Variants in ZNF14 observed in about 807,000 individuals in gnomAD.
ZNF14 encodes gonadotropin inducible transcription repressor-4.
A neutral mutation model predicts 11.3 loss-of-function variants in ZNF14; 9 were observed. The ratio of observed to expected loss-of-function variants is 0.80; its 90% confidence interval spans 0.48 to 1.39. ZNF14 has a LOEUF of 1.39. ZNF14 is among the 40% of genes most tolerant of loss of function. The pLI is 0.00. For synonymous variants in ZNF14, 239 were observed against 245.7 expected, an observed-to-expected ratio of 0.97 and a Z score of 0.25; for missense variants, 711 against 763.9, an observed-to-expected ratio of 0.93 and a Z score of 0.82.
intron 1 of ZNF14, among the ~76,000 whole-genome samples, chr19:19,725,913 G>A (rs893196376): frequency 5.2e-5 from 7 of 134,120 alleles, no homozygotes; most frequent in Admixed American, 3.7e-4. Context: ...CTCGTGCCAC[G>A]GTTTTCAGCT....
intron 1 of ZNF14, among the ~76,000 whole-genome samples, chr19:19,729,271 T>C (rs1279457914): frequency 6.6e-6 from 1 of 150,722 alleles, no homozygotes; most frequent in Non-Finnish European, 1.5e-5. Flanking sequence ...CCATTGTGCC[T>C]GGCCCACCCA....
Position 19,712,889 on chromosome 19 carries a change from T to C in ZNF14, c.392A>G (p.Asn131Ser), listed in dbSNP as rs768757014. Residue 131 changes from asparagine to serine, a missense_variant, in exon 4 of 4, where the codon AAT becomes AGT. By Grantham distance (46) the Asn-to-Ser change is conservative. Coordinates refer to ENST00000344099, the MANE Select transcript of ZNF14 (RefSeq NM_021030.3). ...HMRSHTGQKP[N>S]EYQEYEKQPC... The stretch of plus-strand genomic sequence containing the variant: ...TTGCTTTTCATATTCCTGATACTCA[T>C]TTGGTTTCTGTCCAGTGTGAGATCT... 5.0e-6 allele frequency: 8 copies of C among 1,614,052 alleles called. No individual in the cohort carries two copies. The Admixed American group carries it at 5.0e-5, about 10-fold the overall frequency.
intron 3 of ZNF14, among the ~76,000 whole-genome samples, chr19:19,713,450 A>AT (rs753373182): frequency 0.11 from 15,104 of 141,518 alleles, 811 homozygotes; most frequent in Middle Eastern, 0.18. Context: ...TGCCTGGCTA[A>AT]TTTTTTTTTT....
At chr19:19,732,573 T>G (rs988402410) in intron 1 of ZNF14, among the ~76,000 whole-genome samples, 6 of 152,160 alleles carry the variant, frequency 3.9e-5, no homozygotes, top group African/African-American at 1.4e-4. Flanking sequence ...TTCTCACAAG[T>G]GAGGAAACGC....
rs138870060 is a variant in ZNF14 at position 19,711,656 on chromosome 19, C to T, written c.1625G>A (p.Arg542His). 43 of 1,613,622 alleles carry T rather than the reference C, an allele frequency of 2.7e-5. No homozygotes were observed. The East Asian group carries it at 5.4e-4, about 20-fold the overall frequency. Reference protein sequence around the residue: ...ECKQCGKAFLRSSQIRLHERT... With the variant: ...ECKQCGKAFLHSSQIRLHERT... The stretch of plus-strand genomic sequence containing the variant: ...TTCATGCAATCGAATTTGACTGGAA[C>T]GAAGGAAGGCCTTACCACATTGCTT... Residue 542 changes from arginine to histidine, a missense_variant, in exon 4 of 4, where the codon CGT (arginine) becomes CAT (histidine). Coordinates refer to ENST00000344099, the MANE Select transcript of ZNF14 (RefSeq NM_021030.3).
intron 1 of ZNF14, among the ~76,000 whole-genome samples, chr19:19,721,060 T>C (rs2062392079): frequency 6.6e-6 from 1 of 152,206 alleles, no homozygotes; most frequent in Non-Finnish European, 1.5e-5. Flanking sequence ...CGGGTTCAAG[T>C]GATCCTCCTG....
rs61731046 is a variant in ZNF14 at position 19,714,449 on chromosome 19, G to A, written c.42C>T (p.Thr14=). ...AATCCAGCAAAGCCCACTCCTCCAG[G>A]GTGAAGTTCACGGCCACATCCTCAA... The part of the protein sequence containing the change: ...VSFEDVAVNF[T]LEEWALLDSS... The change falls in exon 2 of 4, where the codon ACC becomes ACT. Residue 14 remains threonine (T), a synonymous_variant. Transcript: ENST00000344099. The A allele has an allele frequency of 0.045, 72,497 of 1,613,788 alleles. 1,973 individuals are homozygous for A. Among genetic ancestry groups the A allele is most frequent in the Middle Eastern group, 0.095 (575 of 6,058 alleles).
At position 19,714,342 on chromosome 19, in the gene ZNF14, G is replaced by T. The variant is rs115548742; in HGVS notation, c.130+19C>A. 4 of 1,613,188 alleles carry T rather than the reference G, an allele frequency of 2.5e-6. No homozygotes were observed. The highest frequency in any genetic ancestry group is 3.4e-6 in the Non-Finnish European group (4 of 1,179,888). On this transcript the variant is annotated intron_variant, in intron 2 of 3. Transcript: ENST00000344099. ...TGTGTTCTATATTTAACTGAGGAAA[G>T]AAATGTTGATATCCTTACCTAGACA...
Position 19,712,898 on chromosome 19 carries a change from T to C in ZNF14, c.383A>G (p.Gln128Arg). 6.2e-7 allele frequency: 1 copy of C among 1,614,144 alleles called. No homozygotes were observed. Among genetic ancestry groups the C allele is most frequent in the Non-Finnish European group, 8.5e-7 (1 of 1,179,998 alleles). Residue 128 changes from glutamine (Q) to arginine (R), a missense_variant, in exon 4 of 4, where the codon CAG (glutamine) becomes CGG (arginine). By Grantham distance (43) the Gln-to-Arg change is conservative. Transcript: ENST00000344099. ...ATATTCCTGATACTCATTTGGTTTC[T>C]GTCCAGTGTGAGATCTCATGTGCCT... is the stretch of plus-strand genomic sequence containing the variant. ...LNRHMRSHTGQKPNEYQEYEK... is the reference protein window; with the variant it reads ...LNRHMRSHTGRKPNEYQEYEK...
At chr19:19,718,724 G>C (rs112377298) in intron 1 of ZNF14, among the ~76,000 whole-genome samples, 118 of 152,170 alleles carry the variant, frequency 7.8e-4, no homozygotes, top group Middle Eastern at 6.8e-3. Flanking sequence ...AAGTTACAGG[G>C]GGAACAAACA....
At position 19,723,997 on chromosome 19, in the gene ZNF14, A is replaced by G. The variant is rs2062400268; in HGVS notation, c.3+8959T>C. ...TTTATTCTTTATTAGTCTTGCTAGCAGTCTATCAATTTTGTTGATCTTTTT... is the reference window on the plus strand; with the variant it reads ...TTTATTCTTTATTAGTCTTGCTAGCGGTCTATCAATTTTGTTGATCTTTTT... On this transcript the variant is annotated intron_variant, in intron 1 of 3. Transcript: ENST00000344099. Among the ~76,000 whole-genome samples, 2 of 132,992 alleles carry G rather than the reference A, an allele frequency of 1.5e-5. 1 individual carries two copies. Among genetic ancestry groups the G allele is most frequent in the South Asian group, 4.9e-4 (2 of 4,084 alleles). 87.2% of individuals were successfully genotyped at this position (132,992 alleles called of 152,430 possible). A position where few individuals can be genotyped will look rare whatever the true frequency, so the allele number is the denominator to read the frequency against.
In ZNF14 at chr19:19,720,859, G is replaced by C. The variant is rs1182674068; in HGVS notation, c.4-6372C>G. On this transcript the variant is annotated intron_variant, in intron 1 of 3. Transcript: ENST00000344099. This position sits in a 1 kb window ranked among gnomAD's most constrained non-coding sequence, Gnocchi z 4.1. ...ACTAAAAAGAGAATTGAAAACCCTA[G>C]ACAAAGTGAGCACATCCCAAGAAGC... Among the ~76,000 whole-genome samples, 1 of 152,152 alleles carries C rather than the reference G, an allele frequency of 6.6e-6. No individual in the cohort carries two copies. The highest frequency in any genetic ancestry group is 1.5e-5 in the Non-Finnish European group (1 of 68,012).
At chr19:19,716,314 C>T (rs1403633694) in intron 1 of ZNF14, among the ~76,000 whole-genome samples, 1 of 151,948 alleles carries the variant, frequency 6.6e-6, no homozygotes, top group Admixed American at 6.6e-5. Context: ...GTTTTGAGAC[C>T]GAGTTTCGCT....
intron 1 of ZNF14, among the ~76,000 whole-genome samples, chr19:19,725,770 A>G (rs553735519): frequency 7.5e-6 from 1 of 132,738 alleles, no homozygotes; most frequent in Non-Finnish European, 1.7e-5. Context: ...AGGCTTTGTT[A>G]ATTTCTTTTT....
chr19:19,732,184 A>G (rs2062426043), intron 1 of ZNF14, among the ~76,000 whole-genome samples: 1 of 152,232 alleles, frequency 6.6e-6, no homozygotes, highest in Non-Finnish European at 1.5e-5. Context: ...AGATAAACAC[A>G]CACAAACAAG....
Position 19,712,500 on chromosome 19 carries a change from T to TG in ZNF14, c.780dup (p.Ser261GlnfsTer10). The TG allele has an allele frequency of 6.2e-7, 1 of 1,613,244 alleles. No homozygotes were observed. The highest frequency in any genetic ancestry group is 8.5e-7 in the Non-Finnish European group (1 of 1,179,554). Reference sequence around the variant, plus strand: ...TGAGTTCGAAAGTATGTGGGACAACTGAAAGCCTTACCACATTGCTTACAT... The same window carrying TG: ...TGAGTTCGAAAGTATGTGGGACAACTGGAAAGCCTTACCACATTGCTTACAT... On this transcript the variant is annotated frameshift_variant, in exon 4 of 4. Transcript: ENST00000344099. LOFTEE classifies it low-confidence loss of function (END_TRUNC).
At chr19:19,732,148 C>G (rs2062425890) in intron 1 of ZNF14, among the ~76,000 whole-genome samples, 1 of 152,138 alleles carries the variant, frequency 6.6e-6, no homozygotes, top group South Asian at 2.1e-4. Flanking sequence ...CCAACATAGG[C>G]GAAATCTCTT....
At chr19:19,732,633 C>G (rs2062427309) in intron 1 of ZNF14, among the ~76,000 whole-genome samples, 1 of 152,256 alleles carries the variant, frequency 6.6e-6, no homozygotes, top group Non-Finnish European at 1.5e-5. Context: ...CTTAAACGCA[C>G]AAACCCCACA....
chr19:19,714,109 T>C lies in ZNF14; in HGVS notation c.173A>G (p.Asn58Ser), dbSNP rs2062370653. 1 of 1,613,318 alleles carries C rather than the reference T, an allele frequency of 6.2e-7. No homozygotes were observed. The highest frequency in any genetic ancestry group is 2.2e-5 in the East Asian group (1 of 44,878). Reference protein sequence around the residue: ...EDQDIEDDHRNQGKNRRCHMV... With the variant: ...EDQDIEDDHRSQGKNRRCHMV... ...AACTCACCTTCGATTTTTCCCCTGG[T>C]TTCTGTGGTCATCTTCAATGTCCTG... Residue 58 changes from asparagine (N) to serine (S), a missense_variant, in exon 3 of 4, where the codon AAC (asparagine) becomes AGC (serine). Asn to Ser is a conservative substitution (Grantham distance 46, BLOSUM62 1). Coordinates refer to ENST00000344099, the MANE Select transcript of ZNF14 (RefSeq NM_021030.3).
Sources: allele counts gnomAD v4.1 joint callset (sites outside exome capture counted in the v4.1 genomes callset), GRCh38; gene constraint gnomAD v4.1.1; non-coding constraint Gnocchi (gnomAD v3.1); transcripts MANE v1.5; gene names NCBI Gene and HGNC (gene_info 2026-07-23, HGNC 2026-07-21).